CPA6: variants seen among roughly 807,000 people sequenced by gnomAD.
The protein encoded by CPA6 is carboxypeptidase A6.
A neutral mutation model predicts 63.3 loss-of-function variants in CPA6; 58 were observed. That is an observed-to-expected ratio of 0.92 (90% confidence interval 0.74 to 1.14). CPA6 has a LOEUF of 1.14. CPA6 is among the 50% of genes most tolerant of loss of function. The pLI is 0.00. For synonymous variants in CPA6, 185 were observed against 179.0 expected (o/e 1.03, Z -0.27); for missense variants, 565 against 526.6 (o/e 1.07, Z -0.71).
chr8:67,567,082 T>C (rs975439259), intron 2 of CPA6, among the ~76,000 whole-genome samples: 2 of 152,202 alleles, frequency 1.3e-5, no homozygotes, highest in Non-Finnish European at 2.9e-5. Context: ...GGAGCAGGCA[T>C]GTAGAGAGTA....
Position 67,434,190 on chromosome 8 carries a change from G to T in CPA6, c.889C>A (p.Pro297Thr). Residue 297 changes from proline (P) to threonine (T), a missense_variant, in exon 9 of 11, where the codon CCA (proline) becomes ACA (threonine). By Grantham distance (38) the Pro-to-Thr change is conservative (BLOSUM62 -1). Transcript: ENST00000297770. ...PCDDTYCGPF[P>T]ESEPEVKAVA... The stretch of plus-strand genomic sequence containing the variant: ...GCCTTCACTTCCGGCTCAGATTCTG[G>T]AAAAGGGCCACAGTATGTGTCATCA... The T allele has an allele frequency of 6.2e-7, 1 of 1,614,152 alleles. No homozygotes were observed. Among genetic ancestry groups the T allele is most frequent in the South Asian group, 1.1e-5 (1 of 91,076 alleles).
chr8:67,666,877 G>A (rs34984999), intron 1 of CPA6, among the ~76,000 whole-genome samples: 70,030 of 151,968 alleles, frequency 0.46, 19,351 homozygotes, highest in African/African-American at 0.79. Flanking sequence ...ATTTCACCGG[G>A]TGGGCCTTAG....
chr8:67,444,284 G>A (rs955042945), intron 8 of CPA6, among the ~76,000 whole-genome samples: 2 of 151,948 alleles, frequency 1.3e-5, no homozygotes, highest in African/African-American at 4.8e-5. Context: ...CACCGCGCCG[G>A]GACGACAGTA....
At chr8:67,554,380 C>T (rs950926482) in intron 2 of CPA6, among the ~76,000 whole-genome samples, 1 of 152,052 alleles carries the variant, frequency 6.6e-6, no homozygotes. Flanking sequence ...TTTAAACAAC[C>T]AGGTTTCATG....
intron 2 of CPA6, among the ~76,000 whole-genome samples, chr8:67,618,703 A>G (rs1815012944): frequency 6.6e-6 from 1 of 152,202 alleles, no homozygotes; most frequent in Non-Finnish European, 1.5e-5. Context: ...TGGAAACAGA[A>G]ATACCATTAA....
chr8:67,537,105 T>C (rs1812601679), intron 2 of CPA6, among the ~76,000 whole-genome samples: 1 of 152,222 alleles, frequency 6.6e-6, no homozygotes, highest in African/African-American at 2.4e-5. Context: ...GCCTGTATTT[T>C]ATTGAGGATT....
In CPA6 at chr8:67,602,971, C is replaced by CT. The variant is rs564231800; in HGVS notation, c.192+21204_192+21205insA. On this transcript the variant is annotated intron_variant, in intron 2 of 10. Coordinates refer to ENST00000297770, the MANE Select transcript of CPA6 (RefSeq NM_020361.5). ...TATAATTCTGTGCTTTCTCTATCTT[C>CT]CTTAAAAAGAAAAACAAAAAACAAA... Among the ~76,000 whole-genome samples, 27 of 152,132 alleles carry CT rather than the reference C, an allele frequency of 1.8e-4. 1 individual carries two copies. The South Asian group carries it at 5.0e-3, about 28-fold the overall frequency.
chr8:67,711,771 A>G (rs1376851796), intron 1 of CPA6, among the ~76,000 whole-genome samples: 1 of 152,046 alleles, frequency 6.6e-6, no homozygotes, highest in Non-Finnish European at 1.5e-5. Flanking sequence ...AGGATTCAGG[A>G]TAAAGAGGGA....
At chr8:67,601,249 T>C (rs1807892877) in intron 2 of CPA6, among the ~76,000 whole-genome samples, 1 of 152,178 alleles carries the variant, frequency 6.6e-6, no homozygotes, top group South Asian at 2.1e-4. Context: ...AGCTCAACGG[T>C]AATATCACAA....
At chr8:67,431,204 T>A (rs747185000) in intron 9 of CPA6, among the ~76,000 whole-genome samples, 8 of 151,622 alleles carry the variant, frequency 5.3e-5, no homozygotes, top group Non-Finnish European at 8.8e-5. Flanking sequence ...AGGCTTAACT[T>A]AAGGTGGGAA....
intron 1 of CPA6, among the ~76,000 whole-genome samples, chr8:67,682,813 C>T (rs999135482): frequency 1.2e-4 from 19 of 152,190 alleles, no homozygotes; most frequent in Admixed American, 1.2e-3. Context: ...ATTTTCTACT[C>T]TGGCCTTTGA....
Position 67,578,096 on chromosome 8 carries a change from A to AT in CPA6, c.192+46079dup, listed in dbSNP as rs924414522. ...TTTTAACTATTAAAAAATATAAAAA[A>AT]TTTTTTAGTTTGAAGGCTGTACAAA... On this transcript the variant is annotated intron_variant, in intron 2 of 10. Transcript: ENST00000297770. Among the ~76,000 whole-genome samples the AT allele has an allele frequency of 7.9e-5, 12 of 152,294 alleles. 1 individual carries two copies. Among genetic ancestry groups the AT allele is most frequent in the African/African-American group, 2.9e-4 (12 of 41,568 alleles).
At chr8:67,603,872 C>G (rs1367174905) in intron 2 of CPA6, among the ~76,000 whole-genome samples, 2 of 152,186 alleles carry the variant, frequency 1.3e-5, no homozygotes, top group Non-Finnish European at 2.9e-5. Flanking sequence ...TCATAGGTCT[C>G]TATGGTGTCA....
chr8:67,637,641 A>T (rs943145591), intron 1 of CPA6, among the ~76,000 whole-genome samples: 4 of 151,362 alleles, frequency 2.6e-5, no homozygotes, highest in Non-Finnish European at 5.9e-5. Context: ...ATAGGGGAAA[A>T]TTTTTCAAAG....
chr8:67,606,258 T>C (rs887759066), intron 2 of CPA6, among the ~76,000 whole-genome samples: 2 of 151,418 alleles, frequency 1.3e-5, no homozygotes, highest in Admixed American at 6.6e-5. Flanking sequence ...GTGCAGCACA[T>C]CAGCATGGCA....
chr8:67,704,024 C>G (rs1164544557), intron 1 of CPA6, among the ~76,000 whole-genome samples: 1 of 152,116 alleles, frequency 6.6e-6, no homozygotes, highest in Non-Finnish European at 1.5e-5. Context: ...AGCCCTTATC[C>G]CAGGCCCCTT....
intron 8 of CPA6, among the ~76,000 whole-genome samples, chr8:67,482,555 G>A (rs531551350): frequency 2.0e-5 from 3 of 152,122 alleles, no homozygotes; most frequent in Non-Finnish European, 2.9e-5. Flanking sequence ...CAACATTCCC[G>A]TGAAGAAAAG....
At position 67,569,413 on chromosome 8, in the gene CPA6, A is replaced by G. The variant is rs565498371; in HGVS notation, c.193-51366T>C. 1.7e-4 allele frequency: 32 copies of G among 186,644 alleles called. 1 individual carries two copies. The highest frequency in any genetic ancestry group is 3.1e-4 in the Non-Finnish European group (27 of 86,914). 11.6% of individuals were successfully genotyped at this position (186,644 alleles called of 1,614,324 possible). ...CATCTCGGTTCCATGTTCCCCCTAC[A>G]AAATGCCCAGTAAAGACACAGAAAC... On this transcript the variant is annotated intron_variant, in intron 2 of 10. Coordinates refer to ENST00000297770, the MANE Select transcript of CPA6 (RefSeq NM_020361.5).
intron 2 of CPA6, among the ~76,000 whole-genome samples, chr8:67,528,370 A>G (rs1181071716): frequency 6.6e-6 from 1 of 152,126 alleles, no homozygotes; most frequent in African/African-American, 2.4e-5. Context: ...AGAAGAGCAG[A>G]GAGAGAGAAT....
Sources: allele counts gnomAD v4.1 joint callset (sites outside exome capture counted in the v4.1 genomes callset), GRCh38; gene constraint gnomAD v4.1.1; transcripts MANE v1.5; gene names NCBI Gene and HGNC (gene_info 2026-07-23, HGNC 2026-07-21).